NDST4: variants seen among roughly 807,000 people sequenced by gnomAD.
NDST4 encodes the protein N-deacetylase and N-sulfotransferase 4, also known as N-heparan sulfate sulfotransferase 4.
In NDST4, 63 loss-of-function variants were observed where a neutral mutation model predicts 100.8. That is an observed-to-expected ratio of 0.62 (90% CI 0.51 to 0.77). NDST4 has a LOEUF of 0.77. Among genes scored for constraint, NDST4 ranks in the 30% least tolerant of loss-of-function variants. The probability of loss-of-function intolerance (pLI) is 0.00; values close to 1 mark genes in which losing one functional copy is unlikely to be tolerated. For synonymous variants in NDST4, 377 were observed against 361.8 expected, an observed-to-expected ratio of 1.04 and a Z score of -0.48; for missense variants, 943 against 1,018.4, an observed-to-expected ratio of 0.93 and a Z score of 1.01.
In NDST4 at chr4:115,013,370, T is replaced by TATATATATATATATATATATATATAC. The variant is rs74678897; in HGVS notation, c.979-36097_979-36096insGTATATATATATATATATATATATAT. 4.6e-3 allele frequency among the ~76,000 whole-genome samples: 326 copies of TATATATATATATATATATATATATAC among 71,268 alleles called. 8 individuals are homozygous for TATATATATATATATATATATATATAC. Among genetic ancestry groups the TATATATATATATATATATATATATAC allele is most frequent in the Middle Eastern group, 0.011 (1 of 88 alleles). 46.8% of individuals were successfully genotyped at this position (71,268 alleles called of 152,430 possible). ...CCATATATATATATATATATATATATACACACACATACATACCTAATATGT... is the reference window on the plus strand; with the variant it reads ...CCATATATATATATATATATATATATATATATATATATATATATATATATACACACACACATACATACCTAATATGT... On this transcript the variant is annotated intron_variant, in intron 2 of 13. Transcript: ENST00000264363.
chr4:114,854,505 G>A (rs112208288), intron 7 of NDST4, among the ~76,000 whole-genome samples: 5,763 of 151,972 alleles, frequency 0.038, 335 homozygotes, highest in African/African-American at 0.13. Context: ...TTTTGCTCTT[G>A]TTGCCCAGGC....
At chr4:114,861,264 T>G (rs1723912141) in intron 7 of NDST4, among the ~76,000 whole-genome samples, 1 of 152,230 alleles carries the variant, frequency 6.6e-6, no homozygotes. Flanking sequence ...GGAGACTGCC[T>G]GTGCATTAAG....
rs143917968 is a variant in NDST4 at position 115,019,341 on chromosome 4, G to T, written c.979-42067C>A. On this transcript the variant is annotated intron_variant, in intron 2 of 13. Transcript: ENST00000264363. ...GTGTATGTATTTAAGTGAAGTTAAA[G>T]CAGGTGACCTGATATATTTTCTGTC... Among the ~76,000 whole-genome samples, 347 of 152,164 alleles carry T rather than the reference G, an allele frequency of 2.3e-3. 1 individual carries two copies. The highest frequency in any genetic ancestry group is 8.0e-3 in the African/African-American group (334 of 41,564).
intron 7 of NDST4, among the ~76,000 whole-genome samples, chr4:114,854,630 G>A (rs935748587): frequency 2.6e-5 from 4 of 152,000 alleles, no homozygotes; most frequent in Middle Eastern, 3.4e-3. Context: ...CACCACACCC[G>A]GCTAATTTTT....
intron 6 of NDST4, among the ~76,000 whole-genome samples, chr4:114,880,035 C>A (rs981063342): frequency 3.3e-5 from 5 of 152,112 alleles, no homozygotes; most frequent in Non-Finnish European, 7.4e-5. Flanking sequence ...TAAACACCGA[C>A]CTTCCTCAAT....
At chr4:114,970,910 G>T (rs9993907) in intron 3 of NDST4, among the ~76,000 whole-genome samples, 67,847 of 151,744 alleles carry the variant, frequency 0.45, 16,728 homozygotes, top group Non-Finnish European at 0.58. Context: ...TAAATGTTAA[G>T]GGTAATTCTC....
Position 114,954,391 on chromosome 4 carries a change from T to C in NDST4, c.1221+16039A>G, listed in dbSNP as rs564749133. 3.9e-5 allele frequency among the ~76,000 whole-genome samples: 6 copies of C among 152,244 alleles called. No individual in the cohort carries two copies. In the South Asian group the frequency reaches 1.2e-3, roughly 32 times the overall value. On this transcript the variant is annotated intron_variant, in intron 4 of 13. Transcript: ENST00000264363. The stretch of plus-strand genomic sequence containing the variant: ...ATGCATATCTATCATGAGGCTTAAA[T>C]GTAAAAGCAGGATGGCAACTTTGGC...
intron 1 of NDST4, among the ~76,000 whole-genome samples, chr4:115,089,095 C>G (rs1000448846): frequency 4.6e-5 from 7 of 152,056 alleles, no homozygotes; most frequent in Non-Finnish European, 1.5e-5. Flanking sequence ...ATATTTATGT[C>G]TTGAATATAT....
intron 2 of NDST4, among the ~76,000 whole-genome samples, chr4:115,041,618 T>C (rs1453236982): frequency 6.6e-6 from 1 of 152,140 alleles, no homozygotes; most frequent in Admixed American, 6.6e-5. Flanking sequence ...AAAAAAAGAT[T>C]AAATGTCTTT....
intron 7 of NDST4, among the ~76,000 whole-genome samples, chr4:114,855,080 T>G (rs1412746328): frequency 6.6e-6 from 1 of 152,220 alleles, no homozygotes; most frequent in Non-Finnish European, 1.5e-5. Flanking sequence ...GTATATCTTC[T>G]TTTGAGAAAT....
intron 6 of NDST4, among the ~76,000 whole-genome samples, chr4:114,927,942 T>C (rs893999539): frequency 2.6e-5 from 4 of 152,070 alleles, no homozygotes; most frequent in Non-Finnish European, 5.9e-5. Flanking sequence ...GTAGAGAAAA[T>C]GGTAGTCTCT....
At chr4:115,065,322 A>C (rs1728923902) in intron 2 of NDST4, among the ~76,000 whole-genome samples, 1 of 152,140 alleles carries the variant, frequency 6.6e-6, no homozygotes, top group Non-Finnish European at 1.5e-5. Flanking sequence ...TGAAGAGATT[A>C]GGTTAAGGTA....
At chr4:115,106,377 G>T (rs1268682229) in intron 1 of NDST4, among the ~76,000 whole-genome samples, 1 of 152,026 alleles carries the variant, frequency 6.6e-6, no homozygotes, top group Admixed American at 6.6e-5. Flanking sequence ...TATAATTGGA[G>T]AAATTTTTTA....
intron 6 of NDST4, among the ~76,000 whole-genome samples, chr4:114,930,376 C>CTTTTG (rs1055743524): frequency 9.2e-5 from 14 of 152,190 alleles, no homozygotes; most frequent in Non-Finnish European, 1.3e-4. Flanking sequence ...CCCAACAGAC[C>CTTTTG]TTTTGTTTTG....
chr4:114,838,154 GA>G (rs2126182655), intron 11 of NDST4, among the ~76,000 whole-genome samples: 1 of 152,212 alleles, frequency 6.6e-6, no homozygotes, highest in East Asian at 1.9e-4. Context: ...GTGATCATTA[GA>G]AAGTCAGGAA....
chr4:114,951,532 T>C (rs1048551329), intron 4 of NDST4, among the ~76,000 whole-genome samples: 2 of 152,114 alleles, frequency 1.3e-5, no homozygotes, highest in African/African-American at 2.4e-5. Context: ...GACAAATACT[T>C]TTGAAACACT....
chr4:115,105,352 C>A lies in NDST4; in HGVS notation c.-247+8092G>T, dbSNP rs548044984. On this transcript the variant is annotated intron_variant, in intron 1 of 13. Transcript: ENST00000264363. ...AAAATAATATGTTTACAATAAAAAA[C>A]AAACTTTCACTTACTCAAGAAATGT... Among the ~76,000 whole-genome samples, 19 of 152,186 alleles carry A rather than the reference C, an allele frequency of 1.2e-4. No individual in the cohort carries two copies. In the East Asian group the frequency reaches 3.3e-3, roughly 26 times the overall value.
chr4:115,059,356 C>CA (rs1560584200), intron 2 of NDST4, among the ~76,000 whole-genome samples: 1 of 152,034 alleles, frequency 6.6e-6, no homozygotes, highest in African/African-American at 2.4e-5. Flanking sequence ...TGTAGACATG[C>CA]AAAATATCTC....
At chr4:115,021,884 C>T (rs181450382) in intron 2 of NDST4, among the ~76,000 whole-genome samples, 6 of 150,348 alleles carry the variant, frequency 4.0e-5, no homozygotes, top group African/African-American at 7.4e-5. Context: ...CATATATATA[C>T]GTTCCACAGC....
Sources: gnomAD v4.1 joint callset for allele counts (sites outside exome capture counted in the v4.1 genomes callset) on GRCh38, gnomAD v4.1.1 for gene constraint, MANE v1.5 for transcripts, NCBI Gene and HGNC (gene_info 2026-07-23, HGNC 2026-07-21) for gene names.